KIF4A: variants seen among roughly 807,000 people sequenced by gnomAD.
KIF4A encodes the protein kinesin family member 4A, also known as chromosome-associated kinesin KIF4A.
A neutral mutation model predicts 105.9 loss-of-function variants in KIF4A; 7 were observed. The observed-to-expected ratio is 0.07, with a 90% CI of 0.04 to 0.12. The LOEUF (loss-of-function observed/expected upper bound fraction) is 0.12, where lower values mean the gene tolerates loss of function less well. Among genes scored for constraint, KIF4A ranks in the 10% least tolerant of loss-of-function variants. The pLI is 1.00. For missense variants in KIF4A, 558 were observed against 929.2 expected, an observed-to-expected ratio of 0.60 and a Z score of 5.19; for synonymous variants, 281 against 331.3, an observed-to-expected ratio of 0.85 and a Z score of 1.65.
At chrX:70,409,852 G>A (rs1323804019) in intron 28 of KIF4A, among the ~76,000 whole-genome samples, 2 of 108,839 alleles carry the variant, frequency 1.8e-5, no homozygotes, top group African/African-American at 6.7e-5. Context: ...GCCCTGGAAA[G>A]GAATTTCCAA....
chrX:70,330,207 G>A lies in KIF4A; in HGVS notation c.946G>A (p.Ala316Thr), dbSNP rs1237806459. 1.7e-6 allele frequency: 2 copies of A among 1,208,080 alleles called. No homozygotes were observed. Among genetic ancestry groups the A allele is most frequent in the African/African-American group, 3.5e-5 (2 of 57,058 alleles). Reference sequence around the variant, plus strand: ...TCTTATGATAGCCTGTGTGAGTCCTGCTGACTCCAATCTAGAGGAAACATT... The same window carrying A: ...TCTTATGATAGCCTGTGTGAGTCCTACTGACTCCAATCTAGAGGAAACATT... ...HTLMIACVSP[A>T]DSNLEETLNT... Residue 316 changes from alanine to threonine, a missense_variant, in exon 9 of 31, where the codon GCT (alanine) becomes ACT (threonine). Ala to Thr is a moderately conservative substitution (Grantham distance 58). This residue lies in a region of KIF4A where 89 missense variants were observed against 248.8 expected (regional missense o/e 0.36). Coordinates refer to ENST00000374403, the MANE Select transcript of KIF4A (RefSeq NM_012310.5).
chrX:70,359,635 G>A (rs2086066308), intron 15 of KIF4A, among the ~76,000 whole-genome samples: 1 of 110,532 alleles, frequency 9.0e-6, no homozygotes, highest in Admixed American at 9.7e-5. Flanking sequence ...TCTCAAGACA[G>A]CTGTCTGAGC....
At chrX:70,323,153 A>G (rs1419757456) in intron 7 of KIF4A, among the ~76,000 whole-genome samples, 2 of 110,478 alleles carry the variant, frequency 1.8e-5, no homozygotes, top group African/African-American at 3.3e-5. Flanking sequence ...CCTTCCCTCT[A>G]TCTTCATGTG....
At chrX:70,367,601 A>C (rs2086110235) in intron 15 of KIF4A, among the ~76,000 whole-genome samples, 1 of 111,941 alleles carries the variant, frequency 8.9e-6, no homozygotes, top group Admixed American at 9.5e-5. Context: ...TGGCTTGTAG[A>C]ATTTCTGCCA....
At chrX:70,296,696 T>A (rs1442563981) in intron 3 of KIF4A, among the ~76,000 whole-genome samples, 1 of 112,813 alleles carries the variant, frequency 8.9e-6, no homozygotes, top group Non-Finnish European at 1.9e-5. Flanking sequence ...GACAGTGGCT[T>A]GGCCACCTTC....
intron 28 of KIF4A, among the ~76,000 whole-genome samples, chrX:70,411,366 C>T (rs1000465759): frequency 7.2e-5 from 8 of 110,798 alleles, no homozygotes; most frequent in Non-Finnish European, 1.5e-4. Flanking sequence ...TCATGCCAAG[C>T]ATTAAATATA....
chrX:70,395,605 C>T, intron 20 of KIF4A, 66 bp from the exon 21 acceptor site: 2 of 1,174,039 alleles, frequency 1.7e-6, no homozygotes, highest in Non-Finnish European at 2.3e-6. Context: ...AAGTCTGGAG[C>T]TGAATCTAGC....
chrX:70,330,352 T>C lies in KIF4A; in HGVS notation c.1071+20T>C, dbSNP rs1434457389. 2.6e-6 allele frequency: 3 copies of C among 1,176,046 alleles called. No individual in the cohort carries two copies. The highest frequency in any genetic ancestry group is 3.5e-6 in the Non-Finnish European group (3 of 868,274). Reference sequence around the variant, plus strand: ...CAACAGGTATAAGGGACTTAAAGTTTGATGGGAAAAATTACAAGTATGTGA... The same window carrying C: ...CAACAGGTATAAGGGACTTAAAGTTCGATGGGAAAAATTACAAGTATGTGA... On this transcript the variant is annotated intron_variant, in intron 9 of 30. Transcript: ENST00000374403.
At chrX:70,411,775 C>T (rs929720139) in intron 28 of KIF4A, among the ~76,000 whole-genome samples, 4 of 110,469 alleles carry the variant, frequency 3.6e-5, no homozygotes, top group Admixed American at 1.9e-4. Flanking sequence ...ATCCCTTGGC[C>T]GGGTGTGGTT....
At position 70,375,231 on chromosome X, in the gene KIF4A, C is replaced by T. The variant is rs1318595755; in HGVS notation, c.1806C>T (p.Leu602=). ...AKLSERRRKR[L]QELEGQIADL... ...TGAGTGAGCGCCGCCGCAAACGTCT[C>T]CAGGAGCTGGAGGGTCAAATTGCTG... Residue 602 remains leucine, a synonymous_variant, in exon 17 of 31, where the codon CTC becomes CTT. Transcript: ENST00000374403. The T allele has an allele frequency of 8.3e-7, 1 of 1,209,078 alleles. No individual in the cohort carries two copies. The highest frequency in any genetic ancestry group is 1.8e-5 in the African/African-American group (1 of 57,016).
chrX:70,328,333 G>A (rs1022414464), intron 7 of KIF4A, among the ~76,000 whole-genome samples: 2 of 110,755 alleles, frequency 1.8e-5, no homozygotes, highest in African/African-American at 6.6e-5. Context: ...TAAACGGTGT[G>A]TCCCCACATG....
At chrX:70,387,654 G>A (rs753712715) in intron 20 of KIF4A, among the ~76,000 whole-genome samples, 1 of 111,884 alleles carries the variant, frequency 8.9e-6, no homozygotes, top group South Asian at 3.8e-4. Flanking sequence ...GATCACCTGC[G>A]GTCAGGAGTT....
intron 18 of KIF4A, among the ~76,000 whole-genome samples, chrX:70,384,481 G>A (rs1446151482): frequency 9.0e-6 from 1 of 110,764 alleles, no homozygotes; most frequent in East Asian, 2.9e-4. Flanking sequence ...AGTTGTCTTT[G>A]TGAGGCCAAG....
chrX:70,368,689 A>G (rs1016536918), intron 15 of KIF4A, among the ~76,000 whole-genome samples: 6 of 112,125 alleles, frequency 5.4e-5, no homozygotes. Context: ...TAGGCTACTC[A>G]GGGGTCAGGG....
intron 7 of KIF4A, among the ~76,000 whole-genome samples, chrX:70,305,896 T>C (rs1199444): frequency 0.13 from 14,081 of 111,808 alleles, 1,430 homozygotes; most frequent in African/African-American, 0.34. Flanking sequence ...TCAGATTTGC[T>C]TGTTATTATG....
In KIF4A at chrX:70,344,504, GT is replaced by G. The variant is rs1164279056; in HGVS notation, c.1431+527del. ...TTTGGGGGTGGGGTGGTTATTTGTTGTTTTTCCCAGAAGAAAAATTTTCACA... is the reference window on the plus strand; with the variant it reads ...TTTGGGGGTGGGGTGGTTATTTGTTGTTTTCCCAGAAGAAAAATTTTCACA... On this transcript the variant is annotated intron_variant, in intron 13 of 30. Transcript: ENST00000374403. Among the ~76,000 whole-genome samples, 4 of 110,974 alleles carry G rather than the reference GT, an allele frequency of 3.6e-5. No individual in the cohort carries two copies. In the East Asian group the frequency reaches 1.1e-3, roughly 31 times the overall value.
At position 70,355,723 on chromosome X, in the gene KIF4A, A is replaced by G. The variant is rs1262373692; in HGVS notation, c.1674+1916A>G. 6.3e-5 allele frequency among the ~76,000 whole-genome samples: 7 copies of G among 111,219 alleles called. No individual in the cohort carries two copies. In the East Asian group the frequency reaches 2.0e-3, roughly 32 times the overall value. On this transcript the variant is annotated intron_variant, in intron 15 of 30. Transcript: ENST00000374403. ...GTCTTGGGGTGAGCGCCCGGTGCAG[A>G]GAAGTAAACTAAGGCACAGAGTTCA... is the stretch of plus-strand genomic sequence containing the variant.
intron 7 of KIF4A, among the ~76,000 whole-genome samples, chrX:70,307,384 G>C (rs1210964729): frequency 9.0e-6 from 1 of 111,357 alleles, no homozygotes; most frequent in African/African-American, 3.3e-5. Context: ...CTGTGTACAA[G>C]ATCATGTCAC....
intron 15 of KIF4A, among the ~76,000 whole-genome samples, chrX:70,364,208 G>A (rs746000190): frequency 2.9e-4 from 32 of 111,880 alleles, no homozygotes; most frequent in Non-Finnish European, 5.5e-4. Flanking sequence ...CACTCTGATG[G>A]TAATTTCTTT....
Sources: gnomAD v4.1 joint callset for allele counts (sites outside exome capture counted in the v4.1 genomes callset) on GRCh38, gnomAD v4.1.1 for gene constraint, gnomAD v4.1.1 regional missense constraint, MANE v1.5 for transcripts, NCBI Gene and HGNC (gene_info 2026-07-23, HGNC 2026-07-21) for gene names.